Variants in BCAR3 observed in about 807,000 individuals in gnomAD.
BCAR3 encodes the protein breast cancer anti-estrogen resistance protein 3.
Under a neutral mutation model 80.1 loss-of-function variants are expected in BCAR3, and 37 were observed. The observed-to-expected ratio is 0.46, with a 90% CI of 0.36 to 0.61. The LOEUF is 0.61. BCAR3 is among the 20% of genes least tolerant of loss of function. The pLI, the probability that BCAR3 is intolerant of heterozygous loss-of-function variation, is 0.00. For synonymous variants in BCAR3, 389 were observed against 418.9 expected (o/e 0.93, Z 0.87); for missense variants, 978 against 1,068.2 (o/e 0.92, Z 1.18).
At chr1:93,772,303 TG>T (rs1267141146) in intron 2 of BCAR3, among the ~76,000 whole-genome samples, 1 of 152,156 alleles carries the variant, frequency 6.6e-6, no homozygotes, top group Non-Finnish European at 1.5e-5. Context: ...AATGTGAGAC[TG>T]GGGGCAGGAT....
rs937342222 is a variant in BCAR3 at position 93,823,828 on chromosome 1, T to C, written c.-63+21739A>G. On this transcript the variant is annotated intron_variant, in intron 2 of 13. Coordinates refer to the BCAR3 transcript ENST00000370244. Reference sequence around the variant, plus strand: ...CATTCTTCTGCCTCAGCCTCCCAAGTAGCTGGGATTACAGGCACGTGCCAC... The same window carrying C: ...CATTCTTCTGCCTCAGCCTCCCAAGCAGCTGGGATTACAGGCACGTGCCAC... 2.2e-5 allele frequency among the ~76,000 whole-genome samples: 3 copies of C among 133,958 alleles called. 1 individual carries two copies. Among genetic ancestry groups the C allele is most frequent in the Non-Finnish European group, 5.1e-5 (3 of 59,258 alleles). The allele number at this position is 133,958 out of a possible 152,430, so 87.9% of individuals were successfully genotyped here.
upstream of BCAR3, among the ~76,000 whole-genome samples, chr1:93,682,810 C>T (rs1317048546): frequency 6.6e-6 from 1 of 152,190 alleles, no homozygotes; most frequent in Admixed American, 6.5e-5. Context: ...ACCTCGGCCT[C>T]CCAAAGTGCT....
intron 11 of BCAR3, among the ~76,000 whole-genome samples, chr1:93,566,616 G>A (rs1198845081): frequency 2.0e-5 from 3 of 152,150 alleles, no homozygotes; most frequent in Non-Finnish European, 4.4e-5. Context: ...ACTTCCCAGT[G>A]TGACTGGGAA....
At chr1:93,562,464 G>A (rs768023278) in intron 11 of BCAR3, 45 bp from the exon 12 acceptor site, 3 of 1,587,206 alleles carry the variant, frequency 1.9e-6, no homozygotes, top group South Asian at 1.1e-5. Flanking sequence ...TTCTGCCTAA[G>A]ATGTGTTAAA....
At position 93,589,058 on chromosome 1, in the gene BCAR3, G is replaced by A. The variant is rs756361530; in HGVS notation, c.848C>T (p.Pro283Leu). 8.1e-6 allele frequency: 13 copies of A among 1,611,780 alleles called. No individual in the cohort carries two copies. Among genetic ancestry groups the A allele is most frequent in the South Asian group, 2.2e-5 (2 of 90,986 alleles). ...AREGSLTKGR[P>L]DVAKRLSLTM... ...GAGGCTCAGCCTCTTGGCCACATCC[G>A]GCCTTCCCTTGGTGAGGCTGCCCTC... The change falls in exon 5 of 12, where the codon CCG becomes CTG. Residue 283 changes from proline (P) to leucine (L), a missense_variant. Physicochemically the swap from Pro to Leu is moderately conservative, Grantham distance 98 (BLOSUM62 -3). Coordinates refer to ENST00000260502, the MANE Select transcript of BCAR3 (RefSeq NM_003567.4).
chr1:93,756,697 T>C (rs1406490639), intron 2 of BCAR3, among the ~76,000 whole-genome samples: 2 of 152,232 alleles, frequency 1.3e-5, no homozygotes, highest in Non-Finnish European at 2.9e-5. Context: ...AGAGGCAATA[T>C]TCCATTTGGA....
intron 2 of BCAR3, among the ~76,000 whole-genome samples, chr1:93,818,628 T>G (rs1201153429): frequency 1.3e-5 from 2 of 152,192 alleles, no homozygotes; most frequent in East Asian, 3.9e-4. Flanking sequence ...AATCAAGTAT[T>G]TACTGAGGAC....
intron 2 of BCAR3, among the ~76,000 whole-genome samples, chr1:93,841,692 T>C (rs1389546808): frequency 6.6e-6 from 1 of 152,194 alleles, no homozygotes; most frequent in Non-Finnish European, 1.5e-5. Flanking sequence ...CTCCCAAGCC[T>C]TCCCCTTTCG....
At chr1:93,672,613 C>T (rs770370684) in intron 2 of BCAR3, among the ~76,000 whole-genome samples, 44 of 152,160 alleles carry the variant, frequency 2.9e-4, no homozygotes, top group Non-Finnish European at 4.7e-4. Flanking sequence ...GCCAATTATG[C>T]GATGTTAACA....
intron 2 of BCAR3, among the ~76,000 whole-genome samples, chr1:93,742,923 A>C (rs1651230179): frequency 6.6e-6 from 1 of 152,254 alleles, no homozygotes; most frequent in Non-Finnish European, 1.5e-5. Flanking sequence ...GCATGTGTTG[A>C]AATGCCGCCT....
chr1:93,596,135 G>A (rs1357369758), intron 3 of BCAR3, among the ~76,000 whole-genome samples: 1 of 152,120 alleles, frequency 6.6e-6, no homozygotes, highest in East Asian at 1.9e-4. Context: ...TTTATTCTAC[G>A]AATGCCCTAA....
upstream of BCAR3, among the ~76,000 whole-genome samples, chr1:93,685,384 C>T (rs777416276): frequency 2.0e-5 from 3 of 151,560 alleles, no homozygotes; most frequent in Admixed American, 6.6e-5. Flanking sequence ...TGTGTGTGTG[C>T]GAGTGTTATT....
At chr1:93,652,311 A>G (rs1676349931) in intron 2 of BCAR3, among the ~76,000 whole-genome samples, 1 of 152,224 alleles carries the variant, frequency 6.6e-6, no homozygotes, top group Admixed American at 6.5e-5. Flanking sequence ...AAACCAAGTT[A>G]ATGCATTACA....
At chr1:93,588,916 CCTAA>C in intron 5 of BCAR3, 57 bp downstream of exon 5, 1 of 1,458,408 alleles carries the variant, frequency 6.9e-7, no homozygotes, top group Non-Finnish European at 9.2e-7. Flanking sequence ...TCTTCACCTG[CCTAA>C]CTAACCTTGG....
At chr1:93,712,222 C>A (rs186357772) in intron 2 of BCAR3, among the ~76,000 whole-genome samples, 1 of 152,336 alleles carries the variant, frequency 6.6e-6, no homozygotes, top group African/African-American at 2.4e-5. Context: ...CATTGTCTGA[C>A]CCCTCTGTCC....
intron 2 of BCAR3, among the ~76,000 whole-genome samples, chr1:93,666,927 T>C (rs1323185700): frequency 6.6e-6 from 1 of 152,112 alleles, no homozygotes; most frequent in Non-Finnish European, 1.5e-5. Context: ...CACCAAAGGA[T>C]TAGGCACCTC....
intron 3 of BCAR3, among the ~76,000 whole-genome samples, chr1:93,689,891 A>G (rs1649132923): frequency 6.6e-6 from 1 of 152,056 alleles, no homozygotes; most frequent in African/African-American, 2.4e-5. Flanking sequence ...TGACAGAAAA[A>G]CCTGACTTGC....
At chr1:93,653,874 T>C (rs926746967) in intron 2 of BCAR3, among the ~76,000 whole-genome samples, 2 of 152,170 alleles carry the variant, frequency 1.3e-5, no homozygotes, top group South Asian at 2.1e-4. Context: ...CATGGTACAT[T>C]TGGGGGACTG....
intron 2 of BCAR3, among the ~76,000 whole-genome samples, chr1:93,736,250 C>T (rs758025853): frequency 6.6e-5 from 10 of 152,142 alleles, no homozygotes; most frequent in African/African-American, 1.4e-4. Context: ...TGCAATGGCG[C>T]GATCTCGGCT....
Sources: allele counts gnomAD v4.1 joint callset (sites outside exome capture counted in the v4.1 genomes callset), GRCh38; gene constraint gnomAD v4.1.1; transcripts MANE v1.5; gene names NCBI Gene and HGNC (gene_info 2026-07-23, HGNC 2026-07-21).